The following DOCK9 variants were observed in gnomAD, a reference collection of about 807,000 sequenced individuals.
DOCK9 encodes the protein dedicator of cytokinesis protein 9.
A neutral mutation model predicts 263.3 loss-of-function variants in DOCK9; 89 were observed. The ratio of observed to expected loss-of-function variants is 0.34; its 90% CI spans 0.28 to 0.40. The LOEUF (loss-of-function observed/expected upper bound fraction) is 0.40, where lower values mean the gene tolerates loss of function less well. DOCK9 is among the 10% of genes least tolerant of loss of function. The pLI is 1.00. For missense variants in DOCK9, 2,140 were observed against 2,603.4 expected (o/e 0.82, Z 3.87); for synonymous variants, 976 against 973.1 (o/e 1.00, Z -0.06).
At chr13:98,842,506 T>C (rs1014525294) in intron 38 of DOCK9, among the ~76,000 whole-genome samples, 3 of 152,262 alleles carry the variant, frequency 2.0e-5, no homozygotes, top group African/African-American at 7.2e-5. Context: ...ATATGAATTA[T>C]GCAAATGAAC....
chr13:99,045,324 C>T (rs1888864631), intron 1 of DOCK9, among the ~76,000 whole-genome samples: 1 of 152,172 alleles, frequency 6.6e-6, no homozygotes, highest in South Asian at 2.1e-4. Flanking sequence ...AATGAAATAT[C>T]ATTCAGGCGC....
At chr13:98,941,950 G>C (rs2055929884) in intron 2 of DOCK9, among the ~76,000 whole-genome samples, 1 of 152,292 alleles carries the variant, frequency 6.6e-6, no homozygotes, top group Non-Finnish European at 1.5e-5. Context: ...CCAAATTTTA[G>C]GGGAAATATC....
Position 98,809,928 on chromosome 13 carries a change from C to T in DOCK9, c.5253+241G>A, listed in dbSNP as rs563447393. On this transcript the variant is annotated intron_variant, in intron 46 of 52. Coordinates refer to ENST00000682017, the MANE Select transcript of DOCK9 (RefSeq NM_001366683.2). ...TGGCAGCCTTTCGAAAGTGGAGTGC[C>T]GGTTACTCTGTAGTTTGAGATGTGG... Among the ~76,000 whole-genome samples, 184 of 152,176 alleles carry T rather than the reference C, an allele frequency of 1.2e-3. 2 individuals are homozygous for T. The highest frequency in any genetic ancestry group is 0.01 in the Middle Eastern group (3 of 294).
intron 11 of DOCK9, 95 bp downstream of exon 11, chr13:98,902,877 G>T: frequency 5.9e-6 from 7 of 1,181,002 alleles, no homozygotes; most frequent in Non-Finnish European, 8.0e-6. Flanking sequence ...TTGATACCAG[G>T]GACTAGGATT....
intron 7 of DOCK9, among the ~76,000 whole-genome samples, chr13:98,916,487 C>G (rs4142195): frequency 0.96 from 146,777 of 152,312 alleles, 70,949 homozygotes; most frequent in East Asian, 1. Context: ...GTTATCCACA[C>G]TCTCTCTAAG....
chr13:98,816,232 C>T (rs1195735949), intron 45 of DOCK9, among the ~76,000 whole-genome samples: 1 of 152,086 alleles, frequency 6.6e-6, no homozygotes, highest in Non-Finnish European at 1.5e-5. Context: ...GGCTATGTGT[C>T]ATGAATGAAA....
At chr13:98,920,917 T>A (rs775001602) in intron 7 of DOCK9, 37 bp downstream of exon 7, 2 of 1,555,864 alleles carry the variant, frequency 1.3e-6, no homozygotes, top group Non-Finnish European at 1.7e-6. Flanking sequence ...CTACTGCAGA[T>A]AAGAAAACAT....
At position 98,831,640 on chromosome 13, in the gene DOCK9, G is replaced by A; in HGVS notation, c.4452+9C>T. On this transcript the variant is annotated intron_variant, in intron 40 of 52. Transcript: ENST00000682017. ...AAAACATCTAACCACTGCCCATGAA[G>A]CAACTTACCTTATAAATTAAGGACC... 2 of 1,611,656 alleles carry A rather than the reference G, an allele frequency of 1.2e-6. No homozygotes were observed. The highest frequency in any genetic ancestry group is 1.7e-6 in the Non-Finnish European group (2 of 1,178,912).
chr13:99,046,100 C>CA (rs35917523), intron 1 of DOCK9, among the ~76,000 whole-genome samples: 36,746 of 111,746 alleles, frequency 0.33, 4,948 homozygotes, highest in East Asian at 0.49. Flanking sequence ...GACTCAGTCT[C>CA]AAAAAAAAAA....
chr13:98,894,251 ATTGT>A (rs1394083221), intron 15 of DOCK9, among the ~76,000 whole-genome samples: 1 of 152,182 alleles, frequency 6.6e-6, no homozygotes, highest in Non-Finnish European at 1.5e-5. Context: ...AAAAAACTTC[ATTGT>A]TTGTTTTGTC....
chr13:98,799,258 C>G lies in DOCK9; in HGVS notation c.5916+1030G>C, dbSNP rs192364000. On this transcript the variant is annotated intron_variant, in intron 50 of 52. Transcript: ENST00000682017. Reference sequence around the variant, plus strand: ...ATTTCAGAAAATGAACCAAAAAAACCAAAACCTATGTATTATAATCCACAT... The same window carrying G: ...ATTTCAGAAAATGAACCAAAAAAACGAAAACCTATGTATTATAATCCACAT... 1.2e-4 allele frequency among the ~76,000 whole-genome samples: 19 copies of G among 152,256 alleles called. 1 individual carries two copies. The East Asian group carries it at 3.5e-3, about 28-fold the overall frequency.
intron 1 of DOCK9, among the ~76,000 whole-genome samples, chr13:98,960,000 A>C (rs2058461396): frequency 6.6e-6 from 1 of 152,192 alleles, no homozygotes; most frequent in Non-Finnish European, 1.5e-5. Flanking sequence ...GATTGGCCTG[A>C]GACATGATTA....
chr13:98,880,074 C>A, intron 26 of DOCK9, 105 bp from the exon 27 acceptor site: 1 of 839,032 alleles, frequency 1.2e-6, no homozygotes, highest in Non-Finnish European at 1.8e-6. Context: ...AGGTGTGACC[C>A]TAAAACACGG....
chr13:98,814,943 A>ATAACATAACATAACATAACATAACATAAC (rs1566576506), intron 45 of DOCK9, among the ~76,000 whole-genome samples: 13 of 33,066 alleles, frequency 3.9e-4, no homozygotes, highest in African/African-American at 8.8e-4. Context: ...CTCAAAATAA[A>ATAACATAACATAACATAACATAACATAAC]ATAAAATAAA....
chr13:98,867,643 CCTT>C lies in DOCK9; in HGVS notation c.3175-110_3175-108del, dbSNP rs2094069169. 5 of 785,206 alleles carry C rather than the reference CCTT, an allele frequency of 6.4e-6. No homozygotes were observed. In the East Asian group the frequency reaches 7.4e-5, roughly 12 times the overall value. The allele number at this position is 785,206 out of a possible 1,614,324, so 48.6% of individuals were successfully genotyped here. The stretch of plus-strand genomic sequence containing the variant: ...CTAGAAATAGTCATTAGCTTCTTGA[CCTT>C]CTTAGAACTGCACACTCTATTGCAC... On this transcript the variant is annotated intron_variant, in intron 29 of 52. Transcript: ENST00000682017.
chr13:98,976,762 T>C (rs554199009), intron 1 of DOCK9, among the ~76,000 whole-genome samples: 1 of 152,218 alleles, frequency 6.6e-6, no homozygotes, highest in East Asian at 1.9e-4. Flanking sequence ...GTTAGCAATA[T>C]AGTTTTGAAG....
At chr13:99,076,843 A>G (rs1361430613) in intron 1 of DOCK9, among the ~76,000 whole-genome samples, 3 of 152,216 alleles carry the variant, frequency 2.0e-5, no homozygotes, top group African/African-American at 7.2e-5. Flanking sequence ...AAAGACATTA[A>G]GCAAATGTAC....
intron 1 of DOCK9, among the ~76,000 whole-genome samples, chr13:99,046,501 A>C (rs1474531130): frequency 6.6e-6 from 1 of 152,212 alleles, no homozygotes; most frequent in African/African-American, 2.4e-5. Context: ...GGAAAACAGC[A>C]CTTAAAGGGT....
chr13:98,813,120 T>G (rs1271208025), intron 45 of DOCK9, among the ~76,000 whole-genome samples: 1 of 152,260 alleles, frequency 6.6e-6, no homozygotes, highest in African/African-American at 2.4e-5. Context: ...TCTTGCTAAA[T>G]GGACTTAACA....
Sources: gnomAD v4.1 joint callset for allele counts (sites outside exome capture counted in the v4.1 genomes callset) on GRCh38, gnomAD v4.1.1 for gene constraint, MANE v1.5 for transcripts, NCBI Gene and HGNC (gene_info 2026-07-23, HGNC 2026-07-21) for gene names.